Variants in CIMIP2C observed in about 807,000 individuals in gnomAD.
CIMIP2C encodes UPF0573 protein C2orf70.
chr2:26,571,724 A>G, the CIMIP2C span, among the ~76,000 whole-genome samples: 1 of 152,182 alleles, frequency 6.6e-6, no homozygotes, highest in Non-Finnish European at 1.5e-5. Flanking sequence ...GTTTCTCTTT[A>G]TGTGTATATT....
the CIMIP2C span, chr2:26,579,227 T>G: frequency 6.4e-7 from 1 of 1,573,700 alleles, no homozygotes; most frequent in Non-Finnish European, 8.7e-7. Flanking sequence ...CGTGGGGCTG[T>G]GGGTGGGCAC....
the CIMIP2C span, among the ~76,000 whole-genome samples, chr2:26,563,933 G>A: frequency 1.3e-5 from 2 of 152,186 alleles, no homozygotes; most frequent in Non-Finnish European, 2.9e-5. Context: ...GTTCCCATCA[G>A]ACAAAGCTGA....
the CIMIP2C span, among the ~76,000 whole-genome samples, chr2:26,565,458 G>T: frequency 6.6e-6 from 1 of 152,136 alleles, no homozygotes. Flanking sequence ...AAGTCATTCA[G>T]CAAGTTGCCG....
chr2:26,562,662 A>T, the CIMIP2C span: 1 of 1,582,440 alleles, frequency 6.3e-7, no homozygotes, highest in Non-Finnish European at 8.6e-7. Context: ...AATGCCGCCT[A>T]CGTGCCCCCT....
chr2:26,577,835 A>T, the CIMIP2C span: 2 of 515,828 alleles, frequency 3.9e-6, no homozygotes, highest in Non-Finnish European at 6.8e-6. Context: ...GAATGGGCGA[A>T]TCAGGAAGAG....
the CIMIP2C span, among the ~76,000 whole-genome samples, chr2:26,576,876 T>A: frequency 6.6e-6 from 1 of 152,220 alleles, no homozygotes; most frequent in East Asian, 1.9e-4. Context: ...CCTTATGCCC[T>A]TGGCAGGGAT....
At chr2:26,572,223 GTTTTA>G in the CIMIP2C span, 2 of 1,415,342 alleles carry the variant, frequency 1.4e-6, no homozygotes, top group Non-Finnish European at 1.9e-6. Flanking sequence ...ACTTTGACAG[GTTTTA>G]TAACATTTAC....
the CIMIP2C span, among the ~76,000 whole-genome samples, chr2:26,567,966 T>C: frequency 1.1e-4 from 16 of 152,222 alleles, no homozygotes; most frequent in African/African-American, 2.6e-4. Context: ...TGTGGTCCTG[T>C]TTTCAAGCAT....
the CIMIP2C span, chr2:26,577,456 G>A: frequency 2.1e-6 from 3 of 1,430,172 alleles, no homozygotes; most frequent in East Asian, 6.9e-5. Context: ...TGGACTGCAG[G>A]TGCCTGTGGT....
the CIMIP2C span, among the ~76,000 whole-genome samples, chr2:26,565,373 G>A: frequency 6.6e-6 from 1 of 152,200 alleles, no homozygotes; most frequent in Non-Finnish European, 1.5e-5. Context: ...TTACAGGCAT[G>A]AGCCACCACG....
the CIMIP2C span, among the ~76,000 whole-genome samples, chr2:26,565,251 C>T: frequency 2.0e-5 from 3 of 152,096 alleles, no homozygotes; most frequent in South Asian, 2.1e-4. Context: ...CCACCACAGC[C>T]GGCTAATTTT....
chr2:26,570,797 G>C, the CIMIP2C span, among the ~76,000 whole-genome samples: 10,513 of 152,254 alleles, frequency 0.069, 427 homozygotes, highest in Middle Eastern at 0.12. Flanking sequence ...CAGGCTGGAG[G>C]GGGTGATGCT....
chr2:26,578,522 C>A, the CIMIP2C span: 3 of 250,534 alleles, frequency 1.2e-5, no homozygotes, highest in South Asian at 1.4e-4. Flanking sequence ...GCTCATTGAT[C>A]GCCTGGGGAA....
the CIMIP2C span, among the ~76,000 whole-genome samples, chr2:26,569,967 AT>A: frequency 6.6e-6 from 1 of 152,182 alleles, no homozygotes; most frequent in South Asian, 2.1e-4. Context: ...AGGAACACAA[AT>A]GCAGGTGCAT....
the CIMIP2C span, chr2:26,562,789 C>G: frequency 1.0e-6 from 1 of 1,004,618 alleles, no homozygotes; most frequent in East Asian, 2.7e-5. Flanking sequence ...TGAAGGAACC[C>G]CGAGGAGCCA....
chr2:26,576,125 CG>C, the CIMIP2C span: 5 of 1,614,174 alleles, frequency 3.1e-6, no homozygotes, highest in South Asian at 5.5e-5. Context: ...CAGCTACACT[CG>C]CTTCAACCTG....
chr2:26,579,297 T>C, the CIMIP2C span: 1 of 1,613,848 alleles, frequency 6.2e-7, no homozygotes, highest in Admixed American at 1.7e-5. Flanking sequence ...CCCCTAGGCC[T>C]CCTCTGTGCC....
At chr2:26,577,754 G>T in the CIMIP2C span, 3 of 682,914 alleles carry the variant, frequency 4.4e-6, no homozygotes, top group Admixed American at 8.4e-5. Flanking sequence ...AAAACGTGCA[G>T]TGCAGAGAGT....
At chr2:26,575,778 C>G in the CIMIP2C span, 2 of 1,234,130 alleles carry the variant, frequency 1.6e-6, no homozygotes, top group Non-Finnish European at 2.2e-6. Context: ...CCCTCCTCAG[C>G]TTTCCAACAT....
Sources: gnomAD v4.1 joint callset for allele counts (sites outside exome capture counted in the v4.1 genomes callset) on GRCh38, gnomAD v4.1.1 for gene constraint, MANE v1.5 for transcripts, NCBI Gene and HGNC (gene_info 2026-07-23, HGNC 2026-07-21) for gene names.